ZNF629: variants seen among roughly 807,000 people sequenced by gnomAD.
ZNF629 encodes DNA-binding protein.
A neutral mutation model predicts 59.7 loss-of-function variants in ZNF629; 9 were observed. That is an observed-to-expected ratio of 0.15 (90% CI 0.09 to 0.26). The LOEUF (loss-of-function observed/expected upper bound fraction) is 0.26. ZNF629 is among the 10% of genes least tolerant of loss of function. The pLI is 1.00. For synonymous variants in ZNF629, 509 were observed against 498.9 expected, an observed-to-expected ratio of 1.02 and a Z score of -0.27; for missense variants, 853 against 1,165.4, an observed-to-expected ratio of 0.73 and a Z score of 3.90.
Position 30,782,046 on chromosome 16 carries a change from C to A in ZNF629, c.2282G>T (p.Ser761Ile). Residue 761 changes from serine to isoleucine, a missense_variant, in exon 3 of 3, where the codon AGC (serine) becomes ATC (isoleucine). Physicochemically the swap from Ser to Ile is moderately radical, Grantham distance 142. This residue lies in a region of ZNF629 where 420 missense variants were observed against 435.6 expected (regional missense o/e 0.96). Coordinates refer to ENST00000262525, the MANE Select transcript of ZNF629 (RefSeq NM_001080417.3). ...GCGGTAGGGTCTGGCCCCCAGGGGGCTCCTGAGATGCTCCAGGAGGACGGA... is the reference window on the plus strand; with the variant it reads ...GCGGTAGGGTCTGGCCCCCAGGGGGATCCTGAGATGCTCCAGGAGGACGGA... ...SSSVLLEHLRSPLGARPYRCS... is the reference protein window; with the variant it reads ...SSSVLLEHLRIPLGARPYRCS... The A allele has an allele frequency of 1.9e-6, 3 of 1,573,082 alleles. No homozygotes were observed. The highest frequency in any genetic ancestry group is 1.2e-5 in the South Asian group (1 of 85,408).
chr16:30,779,124 C>T lies in ZNF629; in HGVS notation c.*2594G>A, dbSNP rs2054259597. 1 of 152,380 alleles carries T rather than the reference C, an allele frequency of 6.6e-6. No individual in the cohort carries two copies. Among genetic ancestry groups the T allele is most frequent in the Non-Finnish European group, 1.5e-5 (1 of 68,170 alleles). 9.4% of individuals were successfully genotyped at this position (152,380 alleles called of 1,614,324 possible). On this transcript the variant is annotated 3_prime_UTR_variant, in exon 3 of 3. Transcript: ENST00000262525. ...GACGCCTGACCCTACGAACTGTGCG[C>T]TCACATCATCCATCCCGTACAAGAG...
chr16:30,782,975 G>A lies in ZNF629; in HGVS notation c.1353C>T (p.Ile451=), dbSNP rs1391078596. 3.1e-6 allele frequency: 5 copies of A among 1,613,678 alleles called. No individual in the cohort carries two copies. The highest frequency in any genetic ancestry group is 4.2e-6 in the Non-Finnish European group (5 of 1,179,942). The stretch of plus-strand genomic sequence containing the variant: ...ACTTGTAGGGCTTCTCACCGGTGTG[G>A]ATGCGCTGGTGGCGGATAAGGGTGG... ...MSSTLIRHQR[I]HTGEKPYKCS... The change falls in exon 3 of 3, where the codon ATC becomes ATT. Residue 451 remains isoleucine, a synonymous_variant. Coordinates refer to ENST00000262525, the MANE Select transcript of ZNF629 (RefSeq NM_001080417.3).
chr16:30,784,352 C>G, intron 2 of ZNF629, 58 bp downstream of exon 2: 1 of 1,544,596 alleles, frequency 6.5e-7, no homozygotes, highest in South Asian at 1.2e-5. Flanking sequence ...GTCCAGGCCC[C>G]TCCCTGAGCC....
chr16:30,780,150 A>C lies in ZNF629; in HGVS notation c.*1568T>G, dbSNP rs1158342685. ...TTCTGAAGGTTTCTGGCTAAGGAGG[A>C]GAGGGGAGCCAAGTGAGTGGAATCC... On this transcript the variant is annotated 3_prime_UTR_variant, in exon 3 of 3. Transcript: ENST00000262525. 1 of 152,566 alleles carries C rather than the reference A, an allele frequency of 6.6e-6. No homozygotes were observed. Among genetic ancestry groups the C allele is most frequent in the African/African-American group, 2.4e-5 (1 of 41,398 alleles). 9.5% of individuals were successfully genotyped at this position (152,566 alleles called of 1,614,324 possible).
In ZNF629 at chr16:30,780,846, T is replaced by A. The variant is rs1012173653; in HGVS notation, c.*872A>T. 3.9e-5 allele frequency: 6 copies of A among 152,282 alleles called. No homozygotes were observed. The highest frequency in any genetic ancestry group is 3.4e-3 in the Middle Eastern group (1 of 294). The allele number at this position is 152,282 out of a possible 1,614,324, so 9.4% of individuals were successfully genotyped here. ...TTGGTTTGCTCCCCTCAAAGCAATC[T>A]AACAGAAACTGCCCCCTGCTTCCCC... On this transcript the variant is annotated 3_prime_UTR_variant, in exon 3 of 3. Coordinates refer to ENST00000262525, the MANE Select transcript of ZNF629 (RefSeq NM_001080417.3).
Position 30,782,421 on chromosome 16 carries a change from G to T in ZNF629, c.1907C>A (p.Ala636Asp), listed in dbSNP as rs747876288. The T allele has an allele frequency of 1.7e-5, 26 of 1,566,408 alleles. No individual in the cohort carries two copies. Among genetic ancestry groups the T allele is most frequent in the Non-Finnish European group, 2.3e-5 (26 of 1,155,354 alleles). ...YPGAAEGRAE[A>D]PGQPLKPPEG... is the part of the protein sequence containing the mutation. ...CGGCGGCTTAAGGGGCTGTCCGGGGGCCTCCGCTCTGCCCTCCGCAGCCCC... is the reference window on the plus strand; with the variant it reads ...CGGCGGCTTAAGGGGCTGTCCGGGGTCCTCCGCTCTGCCCTCCGCAGCCCC... The change falls in exon 3 of 3, where the codon GCC (alanine) becomes GAC (aspartate). Residue 636 changes from alanine to aspartate, a missense_variant. Coordinates refer to ENST00000262525, the MANE Select transcript of ZNF629 (RefSeq NM_001080417.3).
In ZNF629 at chr16:30,781,893, T is replaced by G. The variant is rs1388029152; in HGVS notation, c.2435A>C (p.Gln812Pro). The G allele has an allele frequency of 1.3e-6, 2 of 1,551,506 alleles. No individual in the cohort carries two copies. Among genetic ancestry groups the G allele is most frequent in the Non-Finnish European group, 1.7e-6 (2 of 1,147,432 alleles). ...PPEAVTLSTD[Q>P]EGEGETPTPT... is the part of the protein sequence containing the mutation. ...GGTAGGGGTCTCGCCCTCACCTTCC[T>G]GATCTGTGGACAGGGTGACTGCCTC... Residue 812 changes from glutamine to proline, a missense_variant, in exon 3 of 3, where the codon CAG becomes CCG. Physicochemically the swap from Gln to Pro is moderately conservative, Grantham distance 76. This residue lies in a region of ZNF629 where 420 missense variants were observed against 435.6 expected (regional missense o/e 0.96). Coordinates refer to ENST00000262525, the MANE Select transcript of ZNF629 (RefSeq NM_001080417.3).
In ZNF629 at chr16:30,781,392, C is replaced by T. The variant is rs546805122; in HGVS notation, c.*326G>A. On this transcript the variant is annotated 3_prime_UTR_variant, in exon 3 of 3. Coordinates refer to ENST00000262525, the MANE Select transcript of ZNF629 (RefSeq NM_001080417.3). ...GGGTTGTTCAGAGACATATTGGGAC[C>T]TCTTCCTACAATTAATAGGGCTTTT... The T allele has an allele frequency of 2.8e-4, 57 of 205,462 alleles. No individual in the cohort carries two copies. The South Asian group carries it at 6.3e-3, about 23-fold the overall frequency. 12.7% of individuals were successfully genotyped at this position (205,462 alleles called of 1,614,324 possible). A position where few individuals can be genotyped will look rare whatever the true frequency, so the allele number is the denominator to read the frequency against.
At position 30,783,320 on chromosome 16, in the gene ZNF629, G is replaced by A; in HGVS notation, c.1008C>T (p.His336=). ...GCTTCTCGCCTGTGTGCGTGCGCTG[G>A]TGCTGGGTCAGCTCCGAGCTCTGGA... ...SFIQSSELTQ[H]QRTHTGEKPY... Residue 336 remains histidine (H), a synonymous_variant, in exon 3 of 3, where the codon CAC becomes CAT. Transcript: ENST00000262525. 1 of 1,614,166 alleles carries A rather than the reference G, an allele frequency of 6.2e-7. No individual in the cohort carries two copies.
In ZNF629 at chr16:30,783,920, C is replaced by T. The variant is rs773087553; in HGVS notation, c.408G>A (p.Arg136=). The stretch of plus-strand genomic sequence containing the variant: ...CCGCCGGGCGGCCCTGCACCAGCTC[C>T]CGCAGGCTGGGCTCGTTGGCGGGGA... ...PVVPANEPSL[R]ELVQGRPAGA... Residue 136 remains arginine, a synonymous_variant, in exon 3 of 3, where the codon CGG becomes CGA. Coordinates refer to ENST00000262525, the MANE Select transcript of ZNF629 (RefSeq NM_001080417.3). The T allele has an allele frequency of 1.3e-5, 21 of 1,594,902 alleles. No homozygotes were observed. Among genetic ancestry groups the T allele is most frequent in the Non-Finnish European group, 1.8e-5 (21 of 1,169,998 alleles).
In ZNF629 at chr16:30,782,736, T is replaced by C; in HGVS notation, c.1592A>G (p.Gln531Arg). The change falls in exon 3 of 3, where the codon CAG (glutamine) becomes CGG (arginine). Residue 531 changes from glutamine (Q) to arginine (R), a missense_variant. Physicochemically the swap from Gln to Arg is conservative, Grantham distance 43. This residue lies in a region of ZNF629 where 420 missense variants were observed against 435.6 expected (regional missense o/e 0.96). Coordinates refer to ENST00000262525, the MANE Select transcript of ZNF629 (RefSeq NM_001080417.3). ...CCCCCTCTCATGGATCACCCGGTGC[T>C]GCTCCAGCTCGTGGGCTTCCAGGAA... ...KAFLEAHELE[Q>R]HRVIHERGKT... The C allele has an allele frequency of 6.2e-7, 1 of 1,613,406 alleles. No homozygotes were observed.
chr16:30,784,323 C>A, intron 2 of ZNF629, 69 bp from the exon 3 acceptor site: 1 of 1,549,102 alleles, frequency 6.5e-7, no homozygotes, highest in Non-Finnish European at 8.7e-7. Context: ...TCTCTTCCCT[C>A]CCCCGGGTGT....
At position 30,783,748 on chromosome 16, in the gene ZNF629, C is replaced by G; in HGVS notation, c.580G>C (p.Val194Leu). The change falls in exon 3 of 3, where the codon GTG becomes CTG. Residue 194 changes from valine (V) to leucine (L), a missense_variant. Coordinates refer to ENST00000262525, the MANE Select transcript of ZNF629 (RefSeq NM_001080417.3). ...CCGGTGTGCGTGCGCTGGTGCTGCA[C>G]CAGGTGCGAGCTCTGCGTGAAGCTC... Reference protein sequence around the residue: ...GKSFTQSSHLVQHQRTHTGEK... With the variant: ...GKSFTQSSHLLQHQRTHTGEK... The G allele has an allele frequency of 6.2e-7, 1 of 1,609,304 alleles. No individual in the cohort carries two copies. The highest frequency in any genetic ancestry group is 8.5e-7 in the Non-Finnish European group (1 of 1,178,282).
Position 30,784,458 on chromosome 16 carries a change from C to A in ZNF629, c.25G>T (p.Gly9Cys). 6.4e-7 allele frequency: 1 copy of A among 1,559,618 alleles called. No homozygotes were observed. The highest frequency in any genetic ancestry group is 2.4e-5 in the East Asian group (1 of 41,922). Reference protein sequence around the residue: MEPETALWGPDLQGPEQSP... With the variant: MEPETALWCPDLQGPEQSP... Reference sequence around the variant, plus strand: ...TGTTCCGGACCCTGCAGATCCGGGCCCCACAGCGCAGTCTCGGGCTCCATC... The same window carrying A: ...TGTTCCGGACCCTGCAGATCCGGGCACCACAGCGCAGTCTCGGGCTCCATC... The change falls in exon 2 of 3, where the codon GGC becomes TGC. Residue 9 changes from glycine (G) to cysteine (C), a missense_variant. Coordinates refer to ENST00000262525, the MANE Select transcript of ZNF629 (RefSeq NM_001080417.3).
Position 30,781,392 on chromosome 16 carries a change from C to A in ZNF629, c.*326G>T, listed in dbSNP as rs546805122. ...GGGTTGTTCAGAGACATATTGGGAC[C>A]TCTTCCTACAATTAATAGGGCTTTT... On this transcript the variant is annotated 3_prime_UTR_variant, in exon 3 of 3. Transcript: ENST00000262525. The A allele has an allele frequency of 4.9e-6, 1 of 205,344 alleles. No individual in the cohort carries two copies. Among genetic ancestry groups the A allele is most frequent in the Non-Finnish European group, 9.6e-6 (1 of 103,682 alleles). The allele number at this position is 205,344 out of a possible 1,614,324, so 12.7% of individuals were successfully genotyped here.
Position 30,782,249 on chromosome 16 carries a change from A to C in ZNF629, c.2079T>G (p.Pro693=). 6.2e-7 allele frequency: 1 copy of C among 1,613,512 alleles called. No individual in the cohort carries two copies. Among genetic ancestry groups the C allele is most frequent in the Non-Finnish European group, 8.5e-7 (1 of 1,179,742 alleles). ...CTTCCCCTAGGCCAATTCTATAATC[A>C]GGAAAGAGAAAGGGCTTTTCGTTGC... ...THGNEKPFLF[P]DYRIGLGEGA... The change falls in exon 3 of 3, where the codon CCT becomes CCG. Residue 693 remains proline, a synonymous_variant. Transcript: ENST00000262525.
chr16:30,784,348 G>T, intron 2 of ZNF629, 62 bp downstream of exon 2: 1 of 1,544,938 alleles, frequency 6.5e-7, no homozygotes, highest in Non-Finnish European at 8.7e-7. Flanking sequence ...CAGAGTCCAG[G>T]CCCCTCCCTG....
rs2054290037 is a variant in ZNF629, at chr16:30,782,390, A to C, written c.1938T>G (p.Gly646=). ...APGQPLKPPE[G]QEGFSQRRGL... Reference sequence around the variant, plus strand: ...CCCGCCTCTGGCTGAAGCCCTCCTGACCCTCCGGCGGCTTAAGGGGCTGTC... The same window carrying C: ...CCCGCCTCTGGCTGAAGCCCTCCTGCCCCTCCGGCGGCTTAAGGGGCTGTC... Residue 646 remains glycine, a synonymous_variant, in exon 3 of 3, where the codon GGT becomes GGG. Coordinates refer to ENST00000262525, the MANE Select transcript of ZNF629 (RefSeq NM_001080417.3). The C allele has an allele frequency of 1.3e-6, 2 of 1,574,368 alleles. No homozygotes were observed. Among genetic ancestry groups the C allele is most frequent in the South Asian group, 2.3e-5 (2 of 86,384 alleles).
chr16:30,784,926 GGCT>G (rs1449218937), intron 1 of ZNF629, among the ~76,000 whole-genome samples: 1 of 152,042 alleles, frequency 6.6e-6, no homozygotes, highest in Admixed American at 6.6e-5. Flanking sequence ...CTCTTAATGG[GGCT>G]GCTAATTGAG....
Sources: allele counts gnomAD v4.1 joint callset (sites outside exome capture counted in the v4.1 genomes callset), GRCh38; gene constraint gnomAD v4.1.1; regional missense constraint gnomAD v4.1.1; transcripts MANE v1.5; gene names NCBI Gene and HGNC (gene_info 2026-07-23, HGNC 2026-07-21).